Variants in GRID2 observed in about 807,000 individuals in gnomAD.
The protein encoded by GRID2 is glutamate ionotropic receptor delta type subunit 2, also known as glutamate receptor ionotropic, delta-2.
In GRID2, 33 loss-of-function variants were observed where a neutral mutation model predicts 114.8. That is an observed-to-expected ratio of 0.29 (90% CI 0.22 to 0.38). GRID2 has a LOEUF of 0.38. Ranked by LOEUF, GRID2 falls within the 10% of genes least tolerant of loss-of-function variation. The pLI is 1.00. For missense variants in GRID2, 1,184 were observed against 1,257.7 expected (o/e 0.94, Z 0.89); for synonymous variants, 505 against 449.9 (o/e 1.12, Z -1.55).
chr4:92,922,579 T>C (rs893544894), intron 2 of GRID2, among the ~76,000 whole-genome samples: 1 of 152,132 alleles, frequency 6.6e-6, no homozygotes, highest in Non-Finnish European at 1.5e-5. Context: ...GGTTTTAATA[T>C]GAAATTACAA....
chr4:93,767,509 G>A (rs1045341396), intron 14 of GRID2, among the ~76,000 whole-genome samples: 1 of 152,160 alleles, frequency 6.6e-6, no homozygotes, highest in African/African-American at 2.4e-5. Context: ...AAAAGGTCCA[G>A]GTTGTGGGGG....
chr4:92,327,985 A>T (rs1166165630), intron 1 of GRID2, among the ~76,000 whole-genome samples: 1 of 152,070 alleles, frequency 6.6e-6, no homozygotes, highest in Non-Finnish European at 1.5e-5. Flanking sequence ...AAAACATAAA[A>T]GATTATTTTT....
At position 92,942,014 on chromosome 4, in the gene GRID2, G is replaced by A. The variant is rs528774242; in HGVS notation, c.245-142981G>A. ...GTATGTGGTCAATTTTGGAATAGGT[G>A]TGGTGTGGTCCTGAGAAGAATGTCT... On this transcript the variant is annotated intron_variant, in intron 2 of 15. Transcript: ENST00000282020. Among the ~76,000 whole-genome samples, 188 of 152,260 alleles carry A rather than the reference G, an allele frequency of 1.2e-3. 1 individual carries two copies. The highest frequency in any genetic ancestry group is 4.2e-3 in the African/African-American group (174 of 41,542).
At chr4:92,576,679 A>T (rs1560467633) in intron 1 of GRID2, among the ~76,000 whole-genome samples, 1 of 152,258 alleles carries the variant, frequency 6.6e-6, no homozygotes, top group East Asian at 1.9e-4. Context: ...CACTGGTGGC[A>T]TGGGCCCATG....
At chr4:92,732,855 G>T (rs557065052) in intron 2 of GRID2, among the ~76,000 whole-genome samples, 1 of 152,074 alleles carries the variant, frequency 6.6e-6, no homozygotes, top group South Asian at 2.1e-4. Context: ...ACGTTGTTTT[G>T]TGTGCTTTTG....
Position 92,675,551 on chromosome 4 carries a change from A to ATTTTTTTTTTT in GRID2, c.244+85272_244+85282dup, listed in dbSNP as rs576488084. Among the ~76,000 whole-genome samples, 1,314 of 132,752 alleles carry ATTTTTTTTTTT rather than the reference A, an allele frequency of 9.9e-3. 25 individuals carry two copies. The highest frequency in any genetic ancestry group is 0.043 in the East Asian group (182 of 4,242). The allele number at this position is 132,752 out of a possible 152,430, so 87.1% of individuals were successfully genotyped here. On this transcript the variant is annotated intron_variant, in intron 2 of 15. Transcript: ENST00000282020. ...AACACCAGTCTCTGTTTGGGCTACA[A>ATTTTTTTTTTT]TTTTTTTTTTTTTTTTTGAGACAGA...
intron 14 of GRID2, among the ~76,000 whole-genome samples, chr4:93,710,261 T>G (rs1311976130): frequency 6.6e-6 from 1 of 152,218 alleles, no homozygotes; most frequent in Non-Finnish European, 1.5e-5. Context: ...ATTTAAATCT[T>G]CGGTCAATGC....
intron 1 of GRID2, among the ~76,000 whole-genome samples, chr4:92,327,184 A>G (rs1726642150): frequency 6.6e-6 from 1 of 152,036 alleles, no homozygotes; most frequent in Non-Finnish European, 1.5e-5. Flanking sequence ...GCTGCATCAC[A>G]CAATGTCAGT....
chr4:93,685,056 CAAAT>C (rs1365413465), intron 14 of GRID2, among the ~76,000 whole-genome samples: 1 of 151,836 alleles, frequency 6.6e-6, no homozygotes, highest in East Asian at 1.9e-4. Context: ...AACAGAATAA[CAAAT>C]AACAGTTTAT....
At chr4:93,049,178 A>G (rs1726448083) in intron 2 of GRID2, among the ~76,000 whole-genome samples, 1 of 152,074 alleles carries the variant, frequency 6.6e-6, no homozygotes, top group African/African-American at 2.4e-5. Flanking sequence ...GCACTCTTTT[A>G]TTATAGCATG....
chr4:92,853,910 G>A (rs2149426127), intron 2 of GRID2, among the ~76,000 whole-genome samples: 1 of 151,626 alleles, frequency 6.6e-6, no homozygotes, highest in Admixed American at 6.6e-5. Flanking sequence ...CTTCCTGGGT[G>A]ATGATATCTG....
intron 1 of GRID2, among the ~76,000 whole-genome samples, chr4:92,422,891 C>T (rs957985354): frequency 6.6e-6 from 1 of 152,140 alleles, no homozygotes; most frequent in African/African-American, 2.4e-5. Flanking sequence ...AAGTTCCCCC[C>T]AAAGTTAGTT....
chr4:92,686,665 A>G (rs1033503343), intron 2 of GRID2, among the ~76,000 whole-genome samples: 1 of 152,028 alleles, frequency 6.6e-6, no homozygotes, highest in African/African-American at 2.4e-5. Context: ...TTGTGTTCCT[A>G]CTCAGTTTGG....
intron 14 of GRID2, among the ~76,000 whole-genome samples, chr4:93,725,944 T>C (rs1186063617): frequency 6.6e-6 from 1 of 152,212 alleles, no homozygotes; most frequent in Non-Finnish European, 1.5e-5. Context: ...GCCTGTTCAC[T>C]CTGATGGTAG....
intron 13 of GRID2, among the ~76,000 whole-genome samples, chr4:93,518,846 C>T (rs151029011): frequency 7.6e-4 from 116 of 152,110 alleles, no homozygotes; most frequent in African/African-American, 2.7e-3. Flanking sequence ...GAGGTAGAAG[C>T]ATGCCTAGAT....
intron 1 of GRID2, among the ~76,000 whole-genome samples, chr4:92,549,613 A>G (rs929324641): frequency 2.6e-4 from 40 of 152,202 alleles, no homozygotes; most frequent in African/African-American, 9.4e-4. Context: ...TGAGGCCTTT[A>G]CAGAAAAAGA....
intron 1 of GRID2, among the ~76,000 whole-genome samples, chr4:92,367,354 C>T (rs1454144209): frequency 6.6e-6 from 1 of 151,914 alleles, no homozygotes; most frequent in Non-Finnish European, 1.5e-5. Context: ...TTTTCAGTGT[C>T]AGGAAAAATC....
intron 2 of GRID2, among the ~76,000 whole-genome samples, chr4:92,741,883 A>G (rs1736910037): frequency 6.6e-6 from 1 of 152,126 alleles, no homozygotes; most frequent in East Asian, 1.9e-4. Flanking sequence ...CAGCCCTTAC[A>G]CTTTTATAAG....
intron 1 of GRID2, among the ~76,000 whole-genome samples, chr4:93,797,672 C>A (rs1027697686): frequency 1.3e-5 from 2 of 152,044 alleles, no homozygotes; most frequent in Non-Finnish European, 2.9e-5. Flanking sequence ...CCCTGTGTGT[C>A]TCTTTGCCTG....
Sources: gnomAD v4.1 joint callset for allele counts (sites outside exome capture counted in the v4.1 genomes callset) on GRCh38, gnomAD v4.1.1 for gene constraint, MANE v1.5 for transcripts, NCBI Gene and HGNC (gene_info 2026-07-23, HGNC 2026-07-21) for gene names.